Variants in PCSK1 observed in about 807,000 individuals in gnomAD.
The protein encoded by PCSK1 is proprotein convertase subtilisin/kexin type 1.
In PCSK1, 56 loss-of-function variants were observed where a neutral mutation model predicts 90.6. The ratio of observed to expected loss-of-function variants is 0.62; its 90% CI spans 0.50 to 0.77. PCSK1 has a LOEUF of 0.77. PCSK1 is among the 30% of genes least tolerant of loss of function. The pLI, the probability that PCSK1 is intolerant of heterozygous loss-of-function variation, is 0.00. For synonymous variants in PCSK1, 348 were observed against 342.4 expected (o/e 1.02, Z -0.18); for missense variants, 801 against 932.6 (o/e 0.86, Z 1.84).
At chr5:96,411,340 C>T (rs1760748359) in intron 7 of PCSK1, among the ~76,000 whole-genome samples, 1 of 152,206 alleles carries the variant, frequency 6.6e-6, no homozygotes, top group Non-Finnish European at 1.5e-5. Context: ...CTCTTTCTTT[C>T]TGCTTCAATC....
At chr5:96,397,232 G>T (rs1373216130) in intron 12 of PCSK1, 104 bp downstream of exon 12, 5 of 968,378 alleles carry the variant, frequency 5.2e-6, no homozygotes, top group African/African-American at 3.2e-5. Flanking sequence ...CTAAGAAGGG[G>T]TACAATTCTT....
Position 96,393,088 on chromosome 5 carries a change from A to C in PCSK1, c.2175T>G (p.Val725=). 6.8e-6 allele frequency: 11 copies of C among 1,614,146 alleles called. No individual in the cohort carries two copies. Among genetic ancestry groups the C allele is most frequent in the Non-Finnish European group, 9.3e-6 (11 of 1,179,966 alleles). ...DSEDSLYNDY[V]DVFYNTKPYK... Reference sequence around the variant, plus strand: ...AAGGTTTAGTGTTATAAAAAACATCAACATAGTCATTATACAGACTGTCTT... The same window carrying C: ...AAGGTTTAGTGTTATAAAAAACATCCACATAGTCATTATACAGACTGTCTT... Residue 725 remains valine (V), a synonymous_variant, in exon 14 of 14, where the codon GTT becomes GTG. Coordinates refer to ENST00000311106, the MANE Select transcript of PCSK1 (RefSeq NM_000439.5).
rs145127903 is a variant in PCSK1 at position 96,416,041 on chromosome 5, T to A, written c.701A>T (p.Lys234Ile). Reference protein sequence around the residue: ...KCGVGVAYNSKVGGIRMLDGI... With the variant: ...KCGVGVAYNSIVGGIRMLDGI... ...ACAATCCTCTGTTTTACCTCCAACT[T>A]TGGAATTGTATGCAACTCCAACCCC... The change falls in exon 6 of 14, where the codon AAA becomes ATA. Residue 234 changes from lysine to isoleucine, a missense_variant. By Grantham distance (102) the Lys-to-Ile change is moderately radical. Coordinates refer to ENST00000311106, the MANE Select transcript of PCSK1 (RefSeq NM_000439.5). 108 of 1,605,850 alleles carry A rather than the reference T, an allele frequency of 6.7e-5. No individual in the cohort carries two copies. The highest frequency in any genetic ancestry group is 9.2e-5 in the Non-Finnish European group (108 of 1,172,580).
chr5:96,395,174 C>G, intron 12 of PCSK1, 149 bp from the exon 13 acceptor site: 1 of 702,202 alleles, frequency 1.4e-6, no homozygotes, highest in Non-Finnish European at 2.5e-6. Flanking sequence ...TCCACTCTTG[C>G]TATAAAAATT....
Position 96,393,014 on chromosome 5 carries a change from T to C in PCSK1, c.2249A>G (p.Asn750Ser). 2.5e-6 allele frequency: 4 copies of C among 1,614,222 alleles called. No homozygotes were observed. Among genetic ancestry groups the C allele is most frequent in the Non-Finnish European group, 3.4e-6 (4 of 1,180,022 alleles). The change falls in exon 14 of 14, where the codon AAT (asparagine) becomes AGT (serine). Residue 750 changes from asparagine (N) to serine (S), a missense_variant. Asn to Ser is a conservative substitution (Grantham distance 46). Coordinates refer to ENST00000311106, the MANE Select transcript of PCSK1 (RefSeq NM_000439.5). ...CACACACTTATTTTAATTTTCCTCA[T>C]TCAGAATGTCCACCAGAGCTTGAAG... is the stretch of plus-strand genomic sequence containing the variant. Reference protein sequence around the residue: ...RLLQALVDILNEEN With the variant: ...RLLQALVDILSEEN
chr5:96,400,070 C>T lies in PCSK1; in HGVS notation c.1313G>A (p.Arg438Gln), dbSNP rs771457696. ...GGCATTTAGCAAGCCAAATCCAAAT[C>T]GACTATTCACCATCAAGCCTGCTCC... is the stretch of plus-strand genomic sequence containing the variant. The part of the protein sequence containing the change: ...KNGAGLMVNS[R>Q]FGFGLLNAKA... The change falls in exon 10 of 14, where the codon CGA (arginine) becomes CAA (glutamine). Residue 438 changes from arginine to glutamine, a missense_variant. Coordinates refer to ENST00000311106, the MANE Select transcript of PCSK1 (RefSeq NM_000439.5). 3.1e-6 allele frequency: 5 copies of T among 1,614,020 alleles called. No homozygotes were observed. In the South Asian group the frequency reaches 3.3e-5, roughly 11 times the overall value.
At chr5:96,416,011 T>C (rs1409258572) in intron 6 of PCSK1, 22 bp downstream of exon 6, 4 of 1,473,092 alleles carry the variant, frequency 2.7e-6, no homozygotes, top group South Asian at 1.1e-5. Context: ...TGCCAAGCTA[T>C]AGGGACAATC....
Position 96,391,489 on chromosome 5 carries a change from G to T in PCSK1, c.*1512C>A, listed in dbSNP as rs1432629846. On this transcript the variant is annotated 3_prime_UTR_variant, in exon 14 of 14. Transcript: ENST00000311106. ...ATGAATTAGTATTAGTGATCATCCA[G>T]GTGAGGTGAGATTACATAAGCAAAC... 1 of 152,194 alleles carries T rather than the reference G, an allele frequency of 6.6e-6. No individual in the cohort carries two copies. The highest frequency in any genetic ancestry group is 1.5e-5 in the Non-Finnish European group (1 of 68,048). 9.4% of individuals were successfully genotyped at this position (152,194 alleles called of 1,614,324 possible). A position where few individuals can be genotyped will look rare whatever the true frequency, so the allele number is the denominator to read the frequency against.
intron 2 of PCSK1, 114 bp downstream of exon 2, chr5:96,429,099 T>C (rs1281645897): frequency 2.2e-5 from 15 of 670,072 alleles, no homozygotes; most frequent in Non-Finnish European, 2.4e-5. Context: ...ATAAACAATC[T>C]TGGTCACAAT....
In PCSK1 at chr5:96,432,882, C is replaced by G; in HGVS notation, c.161G>C (p.Gly54Ala). Residue 54 changes from glycine (G) to alanine (A), a missense_variant, in exon 1 of 14, where the codon GGC becomes GCC. Coordinates refer to ENST00000311106, the MANE Select transcript of PCSK1 (RefSeq NM_000439.5). Reference protein sequence around the residue: ...EAASAIAEELGYDLLGQIGSL... With the variant: ...EAASAIAEELAYDLLGQIGSL... The stretch of plus-strand genomic sequence containing the variant: ...TCTTACCTGACCCAAAAGGTCATAG[C>G]CCAGCTCCTCGGCGATGGCCGAGGC... 6.2e-7 allele frequency: 1 copy of G among 1,613,888 alleles called. No homozygotes were observed. Among genetic ancestry groups the G allele is most frequent in the Non-Finnish European group, 8.5e-7 (1 of 1,179,936 alleles).
At chr5:96,427,132 C>G (rs143463593) in intron 2 of PCSK1, among the ~76,000 whole-genome samples, 1 of 152,258 alleles carries the variant, frequency 6.6e-6, no homozygotes, top group African/African-American at 2.4e-5. Context: ...TAAAGATAGA[C>G]TGTTGCTGCA....
At chr5:96,426,045 C>T in intron 2 of PCSK1, 115 bp from the exon 3 acceptor site, 1 of 706,040 alleles carries the variant, frequency 1.4e-6, no homozygotes, top group East Asian at 2.7e-5. Context: ...GCAATATTTT[C>T]ATTTGACTAC....
rs11317408 is a variant in PCSK1, at chr5:96,421,993, T to TA, written c.544-38dup. On this transcript the variant is annotated intron_variant, in intron 4 of 13. Coordinates refer to ENST00000311106, the MANE Select transcript of PCSK1 (RefSeq NM_000439.5). Reference sequence around the variant, plus strand: ...ACAAAATATAACACTGTGGCAGCATTAAAAAAAAAAAAAAAAAAAAAAAAA... The same window carrying TA: ...ACAAAATATAACACTGTGGCAGCATTAAAAAAAAAAAAAAAAAAAAAAAAAA... The TA allele has an allele frequency of 3.6e-3, 1,286 of 357,796 alleles. 10 individuals carry two copies. Among genetic ancestry groups the TA allele is most frequent in the Middle Eastern group, 6.5e-3 (8 of 1,224 alleles). The allele number at this position is 357,796 out of a possible 1,614,324, so 22.2% of individuals were successfully genotyped here.
chr5:96,419,290 TG>T (rs538206722), intron 5 of PCSK1, among the ~76,000 whole-genome samples: 136 of 148,306 alleles, frequency 9.2e-4, no homozygotes, highest in African/African-American at 3.1e-3. Flanking sequence ...TGAGTTTATA[TG>T]TATATATATA....
intron 5 of PCSK1, 136 bp downstream of exon 5, chr5:96,421,744 A>G (rs1270684994): frequency 7.2e-6 from 5 of 696,644 alleles, no homozygotes; most frequent in Non-Finnish European, 1.3e-5. Context: ...AAAAGCAACA[A>G]AATATTGTGG....
At chr5:96,399,879 A>G (rs1305146367) in intron 10 of PCSK1, 74 bp downstream of exon 10, 14 of 1,185,412 alleles carry the variant, frequency 1.2e-5, no homozygotes, top group Non-Finnish European at 1.7e-5. Context: ...CAAAAAAATC[A>G]GGCAGAATGG....
chr5:96,425,062 A>G (rs530028937), intron 3 of PCSK1, among the ~76,000 whole-genome samples: 22 of 142,436 alleles, frequency 1.5e-4, no homozygotes, highest in Non-Finnish European at 2.9e-4. Context: ...GAAAGAAAGA[A>G]AGAAAGAAAG....
At chr5:96,423,769 G>A (rs1761198017) in intron 3 of PCSK1, among the ~76,000 whole-genome samples, 1 of 152,062 alleles carries the variant, frequency 6.6e-6, no homozygotes, top group African/African-American at 2.4e-5. Flanking sequence ...ATAATAACAT[G>A]CTCAACCCTT....
At chr5:96,412,750 A>ATTTTTTTTTTTTTTTTTTTTTTTT in intron 6 of PCSK1, among the ~76,000 whole-genome samples, 1 of 63,408 alleles carries the variant, frequency 1.6e-5, no homozygotes, top group African/African-American at 7.9e-5. Context: ...GGCAGCTGTG[A>ATTTTTTTTTTTTTTTTTTTTTTTT]TGTTTTTTTT....
Sources: gnomAD v4.1 joint callset for allele counts (sites outside exome capture counted in the v4.1 genomes callset) on GRCh38, gnomAD v4.1.1 for gene constraint, MANE v1.5 for transcripts, NCBI Gene and HGNC (gene_info 2026-07-23, HGNC 2026-07-21) for gene names.